Variants in ALS2 observed in about 807,000 individuals in gnomAD.
ALS2 encodes the protein alsin.
A neutral mutation model predicts 203.4 loss-of-function variants in ALS2; 117 were observed. That is an observed-to-expected ratio of 0.58 (90% CI 0.50 to 0.67). The LOEUF is 0.67. Ranked by LOEUF, ALS2 falls within the 30% of genes least tolerant of loss-of-function variation. The probability of loss-of-function intolerance (pLI) is 0.00; values close to 1 mark genes in which losing one functional copy is unlikely to be tolerated. For synonymous variants in ALS2, 718 were observed against 725.9 expected, an observed-to-expected ratio of 0.99 and a Z score of 0.17; for missense variants, 1,715 against 1,989.4, an observed-to-expected ratio of 0.86 and a Z score of 2.62.
intron 1 of ALS2, among the ~76,000 whole-genome samples, chr2:201,772,655 C>A (rs747091093): frequency 1.8e-4 from 27 of 152,116 alleles, no homozygotes; most frequent in Non-Finnish European, 1.9e-4. Context: ...TGCACCTTGC[C>A]CCAAGGGTTT....
chr2:201,716,331 G>A (rs1690388036), intron 24 of ALS2, among the ~76,000 whole-genome samples: 1 of 151,974 alleles, frequency 6.6e-6, no homozygotes, highest in Admixed American at 6.6e-5. Context: ...ATCGCCTGAG[G>A]TCAGGAGTTC....
intron 1 of ALS2, among the ~76,000 whole-genome samples, chr2:201,777,034 G>A (rs1321041872): frequency 1.3e-5 from 2 of 152,150 alleles, no homozygotes; most frequent in East Asian, 3.8e-4. Context: ...ATAAACTCAA[G>A]ATAACTACGT....
intron 13 of ALS2, among the ~76,000 whole-genome samples, chr2:201,729,980 G>A (rs1459757468): frequency 6.6e-6 from 1 of 151,464 alleles, no homozygotes; most frequent in African/African-American, 2.4e-5. Flanking sequence ...AAAAATGACA[G>A]CTGGACTTTT....
chr2:201,775,763 T>C (rs1574813377), intron 1 of ALS2, among the ~76,000 whole-genome samples: 1 of 152,240 alleles, frequency 6.6e-6, no homozygotes, highest in East Asian at 1.9e-4. Context: ...AAATCTTGAC[T>C]CAGAGTAAGA....
In ALS2 at chr2:201,757,747, C is replaced by T; in HGVS notation, c.1126G>A (p.Glu376Lys). Residue 376 changes from glutamate to lysine, a missense_variant, in exon 5 of 34, where the codon GAA becomes AAA. Physicochemically the swap from Glu to Lys is moderately conservative, Grantham distance 56. Around this residue, in one of 3 missense-constraint regions of ALS2, gnomAD observed 476 missense variants for 539.3 expected, o/e 0.88. Transcript: ENST00000264276. ...GGGCTGTGGAGATTAGGAATTGCTTCTTCTAAAAGAGGCTAAAATATACAC... is the reference window on the plus strand; with the variant it reads ...GGGCTGTGGAGATTAGGAATTGCTTTTTCTAAAAGAGGCTAAAATATACAC... ...KPVPSQPLLE[E>K]AIPNLHSPPT... 6.2e-7 allele frequency: 1 copy of T among 1,609,826 alleles called. No individual in the cohort carries two copies. Among genetic ancestry groups the T allele is most frequent in the Non-Finnish European group, 8.5e-7 (1 of 1,179,798 alleles).
intron 8 of ALS2, 22 bp downstream of exon 8, chr2:201,749,690 G>T (rs574517706): frequency 1.3e-6 from 2 of 1,587,576 alleles, no homozygotes; most frequent in Admixed American, 1.7e-5. Context: ...GGAATAAGTT[G>T]CTATCAAGTT....
intron 9 of ALS2, 31 bp from the exon 10 acceptor site, chr2:201,744,460 A>G (rs748491353): frequency 6.3e-7 from 1 of 1,595,746 alleles, no homozygotes; most frequent in South Asian, 1.1e-5. Flanking sequence ...AGGATTAAAT[A>G]TAACATATAA....
intron 19 of ALS2, among the ~76,000 whole-genome samples, 174 bp from the exon 20 acceptor site, chr2:201,725,628 G>A (rs1691118280): frequency 6.6e-6 from 1 of 152,200 alleles, no homozygotes. Flanking sequence ...TAAGCTGTTT[G>A]GCAAGAGGAG....
In ALS2 at chr2:201,701,566, T is replaced by C; in HGVS notation, c.*285A>G. ...CCCTTTACTGTAGGAAGGGATATCCTCTTCTTTTTTCAAATAGTAGATAAA... is the reference window on the plus strand; with the variant it reads ...CCCTTTACTGTAGGAAGGGATATCCCCTTCTTTTTTCAAATAGTAGATAAA... On this transcript the variant is annotated 3_prime_UTR_variant, in exon 34 of 34. Transcript: ENST00000264276. 3.0e-6 allele frequency: 1 copy of C among 335,230 alleles called. No individual in the cohort carries two copies. Among genetic ancestry groups the C allele is most frequent in the Non-Finnish European group, 5.5e-6 (1 of 181,904 alleles). 20.8% of individuals were successfully genotyped at this position (335,230 alleles called of 1,614,324 possible).
chr2:201,757,334 A>C, intron 5 of ALS2, 68 bp downstream of exon 5: 4 of 1,240,516 alleles, frequency 3.2e-6, no homozygotes, highest in Non-Finnish European at 4.8e-6. Flanking sequence ...TTAATAATAC[A>C]GCATGCGATG....
At chr2:201,749,114 G>A (rs1286255609) in intron 8 of ALS2, among the ~76,000 whole-genome samples, 1 of 151,918 alleles carries the variant, frequency 6.6e-6, no homozygotes, top group African/African-American at 2.4e-5. Context: ...GTGATGAGGC[G>A]GAACACAAGG....
At chr2:201,711,133 G>T in intron 25 of ALS2, 25 bp from the exon 26 acceptor site, 1 of 1,396,538 alleles carries the variant, frequency 7.2e-7, no homozygotes, top group Non-Finnish European at 1.0e-6. Flanking sequence ...AGAAAAGTCT[G>T]TTGTATTTCA....
intron 1 of ALS2, among the ~76,000 whole-genome samples, chr2:201,778,087 GA>G (rs202227331): frequency 6.6e-6 from 1 of 151,304 alleles, no homozygotes; most frequent in Non-Finnish European, 1.5e-5. Flanking sequence ...GGCTGTGGAA[GA>G]AAAAAAAATC....
In ALS2 at chr2:201,767,362, G is replaced by T. The variant is rs755282103; in HGVS notation, c.42C>A (p.Ser14=). The change falls in exon 3 of 34, where the codon TCC becomes TCA. Residue 14 remains serine (S), a synonymous_variant. Coordinates refer to ENST00000264276, the MANE Select transcript of ALS2 (RefSeq NM_020919.4). ...AGATATGGACCAGGCCTCTTTCCTT[G>T]GATCCTTCTGCCTCTGTTGAGCTAA... The part of the protein sequence containing the change: ...KKRSSTEAEG[S]KERGLVHIWQ... The T allele has an allele frequency of 9.3e-6, 15 of 1,614,056 alleles. No homozygotes were observed. The highest frequency in any genetic ancestry group is 1.1e-5 in the Non-Finnish European group (13 of 1,180,002).
intron 3 of ALS2, among the ~76,000 whole-genome samples, chr2:201,766,956 C>T (rs1965650): frequency 8.5e-5 from 12 of 141,166 alleles, no homozygotes; most frequent in African/African-American, 2.4e-4. Context: ...GTGGAGGGAG[C>T]GGGGAGGGAT....
chr2:201,703,257 C>T (rs1461607274), intron 33 of ALS2, among the ~76,000 whole-genome samples: 4 of 152,098 alleles, frequency 2.6e-5, no homozygotes, highest in Non-Finnish European at 5.9e-5. Context: ...TATATTTAAA[C>T]CCCAAAGCAT....
Position 201,767,629 on chromosome 2 carries a change from G to A in ALS2, c.21-246C>T, listed in dbSNP as rs187208218. Among the ~76,000 whole-genome samples, 825 of 151,890 alleles carry A rather than the reference G, an allele frequency of 5.4e-3. 7 individuals are homozygous for A. Among genetic ancestry groups the A allele is most frequent in the African/African-American group, 0.019 (798 of 41,394 alleles). ...TGTAATCCCAGCCCTTTGGGAGGCCGAGGCAGGCAGATCACAAGGTAGGAG... is the reference window on the plus strand; with the variant it reads ...TGTAATCCCAGCCCTTTGGGAGGCCAAGGCAGGCAGATCACAAGGTAGGAG... On this transcript the variant is annotated intron_variant, in intron 2 of 33. Coordinates refer to ENST00000264276, the MANE Select transcript of ALS2 (RefSeq NM_020919.4).
At chr2:201,704,852 T>C (rs1226222649) in intron 31 of ALS2, among the ~76,000 whole-genome samples, 1 of 152,224 alleles carries the variant, frequency 6.6e-6, no homozygotes, top group African/African-American at 2.4e-5. Context: ...ATATATGCTC[T>C]TTTCTGAATG....
At chr2:201,741,043 A>G (rs1692236776) in intron 11 of ALS2, 1 of 154,372 alleles carries the variant, frequency 6.5e-6, no homozygotes, top group Non-Finnish European at 1.4e-5. Context: ...GCATAACCTA[A>G]CATACATTAA....
Sources: allele counts gnomAD v4.1 joint callset (sites outside exome capture counted in the v4.1 genomes callset), GRCh38; gene constraint gnomAD v4.1.1; regional missense constraint gnomAD v4.1.1; transcripts MANE v1.5; gene names NCBI Gene and HGNC (gene_info 2026-07-23, HGNC 2026-07-21).